The following TM9SF2 variants were observed in gnomAD, a reference collection of about 807,000 sequenced individuals.
The protein encoded by TM9SF2 is 76 kDa membrane protein.
In TM9SF2, 13 loss-of-function variants were observed where a neutral mutation model predicts 84.9. That is an observed-to-expected ratio of 0.15 (90% CI 0.10 to 0.24). TM9SF2 has a LOEUF of 0.24. Ranked by LOEUF, TM9SF2 falls within the 10% of genes least tolerant of loss-of-function variation. TM9SF2 has a pLI of 1.00. For missense variants in TM9SF2, 562 were observed against 818.5 expected (o/e 0.69, Z 3.82); for synonymous variants, 273 against 285.8 (o/e 0.96, Z 0.45).
chr13:99,537,097 G>C (rs1228054890), intron 5 of TM9SF2, among the ~76,000 whole-genome samples: 2 of 151,528 alleles, frequency 1.3e-5, no homozygotes, highest in Non-Finnish European at 2.9e-5. Context: ...GCAGAAGTCA[G>C]ATATTATAAC....
Position 99,508,859 on chromosome 13 carries a change from C to T in TM9SF2, c.171+7082C>T, listed in dbSNP as rs192920108. ...TCTACCCCCATGATCTAGTCACCTCCCACCAGGCCCTACCTCCAGCATTAG... is the reference window on the plus strand; with the variant it reads ...TCTACCCCCATGATCTAGTCACCTCTCACCAGGCCCTACCTCCAGCATTAG... On this transcript the variant is annotated intron_variant, in intron 1 of 16. Transcript: ENST00000376387. Among the ~76,000 whole-genome samples, 8 of 152,200 alleles carry T rather than the reference C, an allele frequency of 5.3e-5. No homozygotes were observed. In the East Asian group the frequency reaches 1.5e-3, roughly 29 times the overall value.
At chr13:99,513,243 A>C (rs2046120836) in intron 1 of TM9SF2, among the ~76,000 whole-genome samples, 1 of 152,218 alleles carries the variant, frequency 6.6e-6, no homozygotes, top group African/African-American at 2.4e-5. Flanking sequence ...ACTTTGCTGT[A>C]ATTCTCTATG....
chr13:99,546,970 C>T lies in TM9SF2; in HGVS notation c.1151-15C>T, dbSNP rs3751373. On this transcript the variant is annotated splice_polypyrimidine_tract_variant and intron_variant, in intron 10 of 16. Coordinates refer to ENST00000376387, the MANE Select transcript of TM9SF2 (RefSeq NM_004800.3). Reference sequence around the variant, plus strand: ...GAGTAATAACATGTACAGCCTTTCACGATTTGTGTTTTAGTTTTCGCTTGC... The same window carrying T: ...GAGTAATAACATGTACAGCCTTTCATGATTTGTGTTTTAGTTTTCGCTTGC... 0.34 allele frequency: 549,378 copies of T among 1,613,188 alleles called. 96,608 individuals carry two copies. The highest frequency in any genetic ancestry group is 0.57 in the African/African-American group (42,897 of 74,886).
intron 1 of TM9SF2, among the ~76,000 whole-genome samples, chr13:99,516,301 A>T (rs566485907): frequency 6.6e-6 from 1 of 152,342 alleles, no homozygotes; most frequent in South Asian, 2.1e-4. Context: ...TAGCAAGTGT[A>T]GAGGACTGTT....
At chr13:99,524,629 C>G (rs557610878) in intron 3 of TM9SF2, among the ~76,000 whole-genome samples, 1 of 151,774 alleles carries the variant, frequency 6.6e-6, no homozygotes, top group Non-Finnish European at 1.5e-5. Context: ...TTGAAGAGAT[C>G]CCCAAGGGAG....
chr13:99,555,290 A>G (rs187672836), intron 14 of TM9SF2, among the ~76,000 whole-genome samples: 1 of 152,268 alleles, frequency 6.6e-6, no homozygotes, highest in Non-Finnish European at 1.5e-5. Context: ...TAGTCTAGCC[A>G]TATGTAAATA....
At chr13:99,523,029 A>C (rs530848145) in intron 3 of TM9SF2, among the ~76,000 whole-genome samples, 1 of 152,242 alleles carries the variant, frequency 6.6e-6, no homozygotes, top group Non-Finnish European at 1.5e-5. Context: ...GTACTAAAAC[A>C]AATTCTCTAA....
In TM9SF2 at chr13:99,540,811, G is replaced by A. The variant is rs371602674; in HGVS notation, c.908+18G>A. The A allele has an allele frequency of 6.1e-5, 98 of 1,603,728 alleles. 1 individual carries two copies. The highest frequency in any genetic ancestry group is 8.0e-5 in the Non-Finnish European group (94 of 1,171,616). ...TGGTTTAGGTAAGAGTACAGAGTTA[G>A]CCTGCTTTTGCTTTCTACTTTTCTA... On this transcript the variant is annotated intron_variant, in intron 8 of 16. Coordinates refer to ENST00000376387, the MANE Select transcript of TM9SF2 (RefSeq NM_004800.3).
At chr13:99,506,098 G>A (rs2046087683) in intron 1 of TM9SF2, among the ~76,000 whole-genome samples, 1 of 152,056 alleles carries the variant, frequency 6.6e-6, no homozygotes, top group Admixed American at 6.5e-5. Flanking sequence ...TTCCTTTCTT[G>A]GTAGTTATTT....
intron 3 of TM9SF2, among the ~76,000 whole-genome samples, 197 bp downstream of exon 3, chr13:99,520,326 T>C (rs2046153835): frequency 6.6e-6 from 1 of 152,196 alleles, no homozygotes; most frequent in East Asian, 1.9e-4. Context: ...TCTGTCTTAA[T>C]GAACATTCAC....
Position 99,563,753 on chromosome 13 carries a change from C to T in TM9SF2, c.*995C>T, listed in dbSNP as rs184425977. On this transcript the variant is annotated 3_prime_UTR_variant, in exon 17 of 17. Coordinates refer to ENST00000376387, the MANE Select transcript of TM9SF2 (RefSeq NM_004800.3). The stretch of plus-strand genomic sequence containing the variant: ...TGGACATTAGCAATCACTAGCAAGT[C>T]TTCATCTTTATGATTTCATTGTTTT... 1 of 152,312 alleles carries T rather than the reference C, an allele frequency of 6.6e-6. No individual in the cohort carries two copies. Among genetic ancestry groups the T allele is most frequent in the East Asian group, 1.9e-4 (1 of 5,192 alleles). 9.4% of individuals were successfully genotyped at this position (152,312 alleles called of 1,614,324 possible). A position where few individuals can be genotyped will look rare whatever the true frequency, so the allele number is the denominator to read the frequency against.
At chr13:99,515,734 G>GT (rs5806117) in intron 1 of TM9SF2, among the ~76,000 whole-genome samples, 81,734 of 138,510 alleles carry the variant, frequency 0.59, 26,140 homozygotes, top group Non-Finnish European at 0.73. Flanking sequence ...AGAAATACTG[G>GT]TTTTTTTTTT....
intron 1 of TM9SF2, among the ~76,000 whole-genome samples, chr13:99,516,881 G>A (rs942803982): frequency 3.3e-5 from 5 of 152,102 alleles, no homozygotes; most frequent in East Asian, 1.9e-4. Context: ...CAACTTGGCA[G>A]CATTTCTTGG....
chr13:99,515,840 C>G (rs2046131921), intron 1 of TM9SF2, among the ~76,000 whole-genome samples: 1 of 149,902 alleles, frequency 6.7e-6, no homozygotes, highest in Non-Finnish European at 1.5e-5. Context: ...TCAAGCAATT[C>G]TCCTGCCCCA....
intron 1 of TM9SF2, among the ~76,000 whole-genome samples, chr13:99,510,359 C>T (rs2046108475): frequency 6.6e-6 from 1 of 152,158 alleles, no homozygotes. Context: ...ATAACAACAC[C>T]CCATCCTCGG....
In TM9SF2 at chr13:99,552,150, C is replaced by T. The variant is rs1040290071; in HGVS notation, c.1329-17C>T. On this transcript the variant is annotated splice_polypyrimidine_tract_variant and intron_variant, in intron 12 of 16. Coordinates refer to ENST00000376387, the MANE Select transcript of TM9SF2 (RefSeq NM_004800.3). ...TGTTATCTCTGGTTTTACCCAAAAG[C>T]CTGTTGTGTCTTTCAGGATTGTATT... 2.5e-6 allele frequency: 4 copies of T among 1,608,706 alleles called. No individual in the cohort carries two copies. Among genetic ancestry groups the T allele is most frequent in the Non-Finnish European group, 8.5e-7 (1 of 1,177,642 alleles).
chr13:99,516,232 G>A (rs2046133976), intron 1 of TM9SF2, among the ~76,000 whole-genome samples: 1 of 152,200 alleles, frequency 6.6e-6, no homozygotes, highest in Admixed American at 6.5e-5. Flanking sequence ...TCTGGTGGCA[G>A]TGGACTATTG....
chr13:99,559,383 T>C lies in TM9SF2; in HGVS notation c.1773T>C (p.Arg591=). The change falls in exon 16 of 17, where the codon CGT becomes CGC. Residue 591 remains arginine (R), a synonymous_variant. Coordinates refer to ENST00000376387, the MANE Select transcript of TM9SF2 (RefSeq NM_004800.3). ...CCTAGGATTATCATTGGCAATGGCGTTCATTCCTTACGAGTGGCTTTACTG... is the reference window on the plus strand; with the variant it reads ...CCTAGGATTATCATTGGCAATGGCGCTCATTCCTTACGAGTGGCTTTACTG... ...LCAEDYHWQW[R]SFLTSGFTAV... The C allele has an allele frequency of 6.3e-7, 1 of 1,597,356 alleles. No homozygotes were observed. Among genetic ancestry groups the C allele is most frequent in the Non-Finnish European group, 8.5e-7 (1 of 1,174,450 alleles).
chr13:99,515,734 G>GTTTT (rs5806117), intron 1 of TM9SF2, among the ~76,000 whole-genome samples: 1 of 138,578 alleles, frequency 7.2e-6, no homozygotes, highest in East Asian at 2.0e-4. Flanking sequence ...AGAAATACTG[G>GTTTT]TTTTTTTTTT....
Sources: gnomAD v4.1 joint callset for allele counts (sites outside exome capture counted in the v4.1 genomes callset) on GRCh38, gnomAD v4.1.1 for gene constraint, MANE v1.5 for transcripts, NCBI Gene and HGNC (gene_info 2026-07-23, HGNC 2026-07-21) for gene names.